The following SLC35F1 variants were observed in gnomAD, a reference collection of about 807,000 sequenced individuals.
The protein encoded by SLC35F1 is chromosome 6 open reading frame 169.
A neutral mutation model predicts 48.7 loss-of-function variants in SLC35F1; 14 were observed. That is an observed-to-expected ratio of 0.29 (90% CI 0.19 to 0.45). SLC35F1 has a LOEUF of 0.45. Among genes scored for constraint, SLC35F1 ranks in the 20% least tolerant of loss-of-function variants. The pLI is 1.00. For missense variants in SLC35F1, 404 were observed against 500.0 expected (o/e 0.81, Z 1.83); for synonymous variants, 190 against 202.2 (o/e 0.94, Z 0.51).
At chr6:117,968,216 C>T (rs1378469732) in intron 1 of SLC35F1, among the ~76,000 whole-genome samples, 1 of 152,102 alleles carries the variant, frequency 6.6e-6, no homozygotes, top group Non-Finnish European at 1.5e-5. Context: ...AAATAAGAAC[C>T]TCATTTTAAT....
At chr6:118,308,887 T>C (rs1035886726) in intron 7 of SLC35F1, among the ~76,000 whole-genome samples, 2 of 152,174 alleles carry the variant, frequency 1.3e-5, no homozygotes, top group African/African-American at 2.4e-5. Flanking sequence ...TTATATCCAA[T>C]AGAGCCCCAA....
intron 1 of SLC35F1, among the ~76,000 whole-genome samples, chr6:118,150,740 G>C (rs973354947): frequency 6.6e-6 from 1 of 152,072 alleles, no homozygotes; most frequent in African/African-American, 2.4e-5. Flanking sequence ...CCCAGTGATA[G>C]GATAAGCTAA....
chr6:118,295,590 A>G (rs1020788109), intron 7 of SLC35F1, among the ~76,000 whole-genome samples: 10 of 152,196 alleles, frequency 6.6e-5, no homozygotes, highest in Non-Finnish European at 1.2e-4. Flanking sequence ...ACTGCACTTG[A>G]AAACTAGGGC....
intron 1 of SLC35F1, among the ~76,000 whole-genome samples, chr6:118,077,687 C>T (rs910066634): frequency 2.0e-5 from 3 of 152,122 alleles, no homozygotes; most frequent in Non-Finnish European, 2.9e-5. Flanking sequence ...TATTTAGAAG[C>T]TTTGTCAGCA....
At chr6:118,066,369 G>C (rs1039849670) in intron 1 of SLC35F1, among the ~76,000 whole-genome samples, 2 of 152,194 alleles carry the variant, frequency 1.3e-5, no homozygotes, top group South Asian at 4.2e-4. Flanking sequence ...GGAGTTTCAG[G>C]TGACCTCTAG....
At chr6:118,270,542 C>T (rs1775837285) in intron 4 of SLC35F1, among the ~76,000 whole-genome samples, 1 of 152,172 alleles carries the variant, frequency 6.6e-6, no homozygotes, top group Admixed American at 6.5e-5. Context: ...TGTTTGTCAC[C>T]TGTACAACTC....
intron 7 of SLC35F1, among the ~76,000 whole-genome samples, chr6:118,286,980 A>G (rs1357212574): frequency 1.3e-5 from 2 of 152,116 alleles, no homozygotes; most frequent in Non-Finnish European, 2.9e-5. Flanking sequence ...ACAAGTTCCT[A>G]TTTTATATGG....
chr6:118,184,617 GAAA>G (rs1157392799), intron 2 of SLC35F1, among the ~76,000 whole-genome samples: 1 of 152,082 alleles, frequency 6.6e-6, no homozygotes, highest in East Asian at 1.9e-4. Context: ...TGGCAAAAAA[GAAA>G]AATATGTACC....
intron 2 of SLC35F1, among the ~76,000 whole-genome samples, chr6:118,157,533 G>A (rs1371910415): frequency 6.6e-6 from 1 of 152,158 alleles, no homozygotes; most frequent in African/African-American, 2.4e-5. Flanking sequence ...AAGCCAGTCC[G>A]AATCCCAAAA....
At chr6:118,004,409 G>T (rs957660751) in intron 1 of SLC35F1, among the ~76,000 whole-genome samples, 1 of 151,940 alleles carries the variant, frequency 6.6e-6, no homozygotes, top group Non-Finnish European at 1.5e-5. Flanking sequence ...TGTATATTTT[G>T]CTTATTGTCT....
intron 1 of SLC35F1, among the ~76,000 whole-genome samples, chr6:117,924,235 A>G (rs1775989113): frequency 3.0e-5 from 1 of 33,384 alleles, no homozygotes; most frequent in Non-Finnish European, 5.5e-5. Flanking sequence ...ATGCATATGT[A>G]TATACACACA....
In SLC35F1 at chr6:117,916,072, G is replaced by A. The variant is rs527908063; in HGVS notation, c.173+8173G>A. ...GGCCTAGGGTGCTGAGTGAGCTAGA[G>A]GCTGCTGGGAGGACAGCAGCTAGCT... is the stretch of plus-strand genomic sequence containing the variant. On this transcript the variant is annotated intron_variant, in intron 1 of 7. Coordinates refer to ENST00000360388, the MANE Select transcript of SLC35F1 (RefSeq NM_001029858.4). Among the ~76,000 whole-genome samples the A allele has an allele frequency of 2.2e-4, 33 of 152,338 alleles. No individual in the cohort carries two copies. The East Asian group carries it at 4.4e-3, about 20-fold the overall frequency.
At chr6:118,116,405 T>A (rs1349161194) in intron 1 of SLC35F1, among the ~76,000 whole-genome samples, 1 of 152,142 alleles carries the variant, frequency 6.6e-6, no homozygotes, top group Non-Finnish European at 1.5e-5. Flanking sequence ...ATCCCTGGAG[T>A]ATAGAATAAA....
intron 2 of SLC35F1, among the ~76,000 whole-genome samples, chr6:118,202,505 AT>A (rs1774884652): frequency 6.6e-6 from 1 of 152,198 alleles, no homozygotes; most frequent in Non-Finnish European, 1.5e-5. Flanking sequence ...CCAAAATAAA[AT>A]AAAAGAAAAT....
At chr6:118,053,815 GA>G (rs1367174132) in intron 1 of SLC35F1, among the ~76,000 whole-genome samples, 3 of 152,182 alleles carry the variant, frequency 2.0e-5, no homozygotes, top group African/African-American at 7.2e-5. Context: ...TTATGCCTGA[GA>G]GATTTTTAGG....
At chr6:118,083,364 A>G (rs1397469096) in intron 1 of SLC35F1, among the ~76,000 whole-genome samples, 1 of 152,228 alleles carries the variant, frequency 6.6e-6, no homozygotes, top group Non-Finnish European at 1.5e-5. Context: ...GGATTATGCT[A>G]TCCCAATATA....
intron 2 of SLC35F1, among the ~76,000 whole-genome samples, chr6:118,162,611 G>C (rs190294056): frequency 1.3e-5 from 2 of 152,184 alleles, no homozygotes; most frequent in African/African-American, 4.8e-5. Context: ...GATGGAATAA[G>C]TTATCACTGG....
intron 1 of SLC35F1, among the ~76,000 whole-genome samples, chr6:117,993,505 A>G (rs1776946609): frequency 1.3e-5 from 2 of 152,142 alleles, no homozygotes; most frequent in Non-Finnish European, 2.9e-5. Flanking sequence ...GGCAGGTACT[A>G]TGGATATAGC....
chr6:118,187,421 T>C (rs1230069512), intron 2 of SLC35F1, among the ~76,000 whole-genome samples: 1 of 152,218 alleles, frequency 6.6e-6, no homozygotes, highest in Non-Finnish European at 1.5e-5. Context: ...TCTGAGCAGA[T>C]AAGTGAAAGT....
Sources: allele counts gnomAD v4.1 joint callset (sites outside exome capture counted in the v4.1 genomes callset), GRCh38; gene constraint gnomAD v4.1.1; transcripts MANE v1.5; gene names NCBI Gene and HGNC (gene_info 2026-07-23, HGNC 2026-07-21).